IQGAP1: variants seen among roughly 807,000 people sequenced by gnomAD.
IQGAP1 encodes ras GTPase-activating-like protein IQGAP1.
A neutral mutation model predicts 215.6 loss-of-function variants in IQGAP1; 66 were observed. The ratio of observed to expected loss-of-function variants is 0.31; its 90% confidence interval spans 0.25 to 0.38. The LOEUF is 0.38. Ranked by LOEUF, IQGAP1 falls within the 10% of genes least tolerant of loss-of-function variation. IQGAP1 has a pLI of 1.00. For synonymous variants in IQGAP1, 772 were observed against 728.7 expected (o/e 1.06, Z -0.96); for missense variants, 1,712 against 1,997.1 (o/e 0.86, Z 2.72).
intron 2 of IQGAP1, among the ~76,000 whole-genome samples, chr15:90,422,624 ATGTATATATATATATG>A (rs1222871790): frequency 1.2e-5 from 1 of 85,722 alleles, no homozygotes; most frequent in African/African-American, 6.1e-5. Context: ...ATATATATAT[ATGTATATATATATATG>A]TATATGTATA....
Position 90,484,255 on chromosome 15 carries a change from T to C in IQGAP1, c.3824T>C (p.Leu1275Pro), listed in dbSNP as rs1428026450. The C allele has an allele frequency of 6.2e-7, 1 of 1,613,978 alleles. No homozygotes were observed. The highest frequency in any genetic ancestry group is 8.5e-7 in the Non-Finnish European group (1 of 1,179,918). Residue 1275 changes from leucine (L) to proline (P), a missense_variant, in exon 30 of 38, where the codon CTT (leucine) becomes CCT (proline). By Grantham distance (98) the Leu-to-Pro change is moderately conservative (BLOSUM62 -3). Transcript: ENST00000268182. ...CAAACTGCTTGTGATGTCCCAGAGC[T>C]TCAGGATAAATTTAATGTGGATGAG... is the stretch of plus-strand genomic sequence containing the variant. ...FFQTACDVPE[L>P]QDKFNVDEYS...
intron 2 of IQGAP1, among the ~76,000 whole-genome samples, chr15:90,404,169 G>C (rs1264815155): frequency 1.3e-5 from 2 of 152,230 alleles, no homozygotes; most frequent in Non-Finnish European, 2.9e-5. Context: ...ATTTCTAAAA[G>C]TGTAATTTCT....
chr15:90,433,753 G>A lies in IQGAP1; in HGVS notation c.425G>A (p.Arg142Gln), dbSNP rs1965333907. ...FYPETTDIYD[R>Q]KNMPRCIYCI... ...CCAGAAACTACAGATATCTATGATC[G>A]AAAGAACATGCCAAGATGTATCTAC... is the stretch of plus-strand genomic sequence containing the variant. Residue 142 changes from arginine (R) to glutamine (Q), a missense_variant, in exon 5 of 38, where the codon CGA (arginine) becomes CAA (glutamine). Coordinates refer to ENST00000268182, the MANE Select transcript of IQGAP1 (RefSeq NM_003870.4). 3 of 1,607,376 alleles carry A rather than the reference G, an allele frequency of 1.9e-6. No homozygotes were observed. Among genetic ancestry groups the A allele is most frequent in the South Asian group, 2.2e-5 (2 of 90,222 alleles).
At chr15:90,489,329 T>A (rs1966172151) in intron 33 of IQGAP1, among the ~76,000 whole-genome samples, 1 of 152,064 alleles carries the variant, frequency 6.6e-6, no homozygotes, top group Non-Finnish European at 1.5e-5. Context: ...GATTTCACGA[T>A]GTTGGCCAGG....
intron 14 of IQGAP1, among the ~76,000 whole-genome samples, chr15:90,455,440 A>C (rs1047979674): frequency 2.0e-5 from 3 of 152,148 alleles, no homozygotes; most frequent in Non-Finnish European, 4.4e-5. Flanking sequence ...GGAGGGGCCC[A>C]CCATGAATCA....
At position 90,474,210 on chromosome 15, in the gene IQGAP1, CT is replaced by C. The variant is rs1044211755; in HGVS notation, c.2575+81del. The C allele has an allele frequency of 1.3e-5, 17 of 1,295,300 alleles. No homozygotes were observed. The East Asian group carries it at 2.8e-4, about 21-fold the overall frequency. The allele number at this position is 1,295,300 out of a possible 1,614,324, so 80.2% of individuals were successfully genotyped here. On this transcript the variant is annotated intron_variant, in intron 22 of 37. Coordinates refer to ENST00000268182, the MANE Select transcript of IQGAP1 (RefSeq NM_003870.4). ...AGTTCAGGGTATTCTCCACAGACCT[CT>C]TTTGTTATCCTGAAGGCAAGGCTTG...
At chr15:90,455,301 G>C (rs572186628) in intron 14 of IQGAP1, among the ~76,000 whole-genome samples, 1 of 152,296 alleles carries the variant, frequency 6.6e-6, no homozygotes, top group African/African-American at 2.4e-5. Context: ...CCTGGAGAAT[G>C]GGAGGCCAGG....
chr15:90,441,582 T>A lies in IQGAP1; in HGVS notation c.726T>A (p.Asn242Lys). 1 of 1,613,946 alleles carries A rather than the reference T, an allele frequency of 6.2e-7. No individual in the cohort carries two copies. The highest frequency in any genetic ancestry group is 8.5e-7 in the Non-Finnish European group (1 of 1,179,972). Residue 242 changes from asparagine (N) to lysine (K), a missense_variant, in exon 8 of 38, where the codon AAT becomes AAA. Asn to Lys is a moderately conservative substitution (Grantham distance 94, BLOSUM62 0). This residue lies in a region of IQGAP1 where 1,021 missense variants were observed against 1,074.2 expected (regional missense o/e 0.95). Transcript: ENST00000268182. ...CCGACACATTTGCAGCTTTGAAAAA[T>A]CCGAATGCCATGCTTGTAAATCTTG... Reference protein sequence around the residue: ...IPADTFAALKNPNAMLVNLEE... With the variant: ...IPADTFAALKKPNAMLVNLEE...
intron 2 of IQGAP1, among the ~76,000 whole-genome samples, chr15:90,422,672 ATATATATAATTTTTGAGACAGAGTTTG>A (rs1487953613): frequency 1.6e-4 from 20 of 123,424 alleles, no homozygotes; most frequent in South Asian, 1.0e-3. Context: ...ATATATATAT[ATATATATAATTTTTGAGACAGAGTTTG>A]TATATATAAT....
intron 15 of IQGAP1, among the ~76,000 whole-genome samples, chr15:90,463,935 C>T (rs1038866115): frequency 6.6e-6 from 1 of 152,108 alleles, no homozygotes; most frequent in African/African-American, 2.4e-5. Flanking sequence ...TTGTGTCTTT[C>T]TCTAATAAAA....
At chr15:90,440,456 G>A in intron 6 of IQGAP1, 46 bp from the exon 7 acceptor site, 2 of 1,317,902 alleles carry the variant, frequency 1.5e-6, no homozygotes, top group East Asian at 2.5e-5. Context: ...CTTGGTTATG[G>A]AAGGGTGCTT....
chr15:90,407,001 T>G (rs1964888452), intron 2 of IQGAP1, among the ~76,000 whole-genome samples: 2 of 152,150 alleles, frequency 1.3e-5, no homozygotes, highest in African/African-American at 2.4e-5. Flanking sequence ...TTCCTGAAAT[T>G]GGTGTTTAGT....
intron 1 of IQGAP1, 43 bp downstream of exon 1, chr15:90,388,439 A>G (rs1189146041): frequency 3.3e-6 from 5 of 1,520,542 alleles, no homozygotes; most frequent in African/African-American, 1.4e-5. Context: ...GGGCTGGGCT[A>G]ATTGCAGACG....
intron 9 of IQGAP1, among the ~76,000 whole-genome samples, chr15:90,443,895 C>G (rs1298068537): frequency 6.6e-6 from 1 of 152,132 alleles, no homozygotes; most frequent in East Asian, 1.9e-4. Flanking sequence ...AAAACCCCAT[C>G]TCTACTAAAA....
At chr15:90,460,938 G>A (rs1965752043) in intron 15 of IQGAP1, among the ~76,000 whole-genome samples, 1 of 149,060 alleles carries the variant, frequency 6.7e-6, no homozygotes. Context: ...GGCTGAGGTT[G>A]CGGTGAGCCA....
In IQGAP1 at chr15:90,388,255, C is replaced by G. The variant is rs1349837201; in HGVS notation, c.-87C>G. On this transcript the variant is annotated 5_prime_UTR_variant, in exon 1 of 38. Coordinates refer to ENST00000268182, the MANE Select transcript of IQGAP1 (RefSeq NM_003870.4). ...CGGGGCCTCGGGGACCCCGGCAAGCCCGCGCACTTGGCAGGAGCTGTAGCT... is the reference window on the plus strand; with the variant it reads ...CGGGGCCTCGGGGACCCCGGCAAGCGCGCGCACTTGGCAGGAGCTGTAGCT... 6.8e-7 allele frequency: 1 copy of G among 1,474,444 alleles called. No homozygotes were observed. 91.3% of individuals were successfully genotyped at this position (1,474,444 alleles called of 1,614,324 possible).
At chr15:90,407,380 A>G (rs948197930) in intron 2 of IQGAP1, among the ~76,000 whole-genome samples, 1 of 151,580 alleles carries the variant, frequency 6.6e-6, no homozygotes, top group African/African-American at 2.4e-5. Context: ...CAACTGTTAT[A>G]TTAACATTTT....
intron 1 of IQGAP1, 108 bp downstream of exon 1, chr15:90,388,504 C>A: frequency 1.0e-6 from 1 of 994,694 alleles, no homozygotes; most frequent in Admixed American, 4.0e-5. Context: ...CGGCTGCCGG[C>A]AGCTCGGACC....
At chr15:90,461,932 G>A (rs1235380456) in intron 15 of IQGAP1, among the ~76,000 whole-genome samples, 3 of 146,328 alleles carry the variant, frequency 2.1e-5, no homozygotes, top group Non-Finnish European at 4.5e-5. Flanking sequence ...GAGGTCAGGA[G>A]ATCAAGACCA....
Sources: allele counts gnomAD v4.1 joint callset (sites outside exome capture counted in the v4.1 genomes callset), GRCh38; gene constraint gnomAD v4.1.1; regional missense constraint gnomAD v4.1.1; transcripts MANE v1.5; gene names NCBI Gene and HGNC (gene_info 2026-07-23, HGNC 2026-07-21).